The following SAMD12 variants were observed in gnomAD, a reference collection of about 807,000 sequenced individuals.
SAMD12 encodes sterile alpha motif domain-containing protein 12.
A neutral mutation model predicts 15.0 loss-of-function variants in SAMD12; 9 were observed. That is an observed-to-expected ratio of 0.60 (90% CI 0.36 to 1.05). The LOEUF (loss-of-function observed/expected upper bound fraction) is 1.05. Ranked by LOEUF, SAMD12 falls within the 50% of genes least tolerant of loss-of-function variation. The pLI, the probability that SAMD12 is intolerant of heterozygous loss-of-function variation, is 0.01. For synonymous variants in SAMD12, 86 were observed against 90.1 expected (o/e 0.96, Z 0.25); for missense variants, 230 against 234.2 (o/e 0.98, Z 0.12).
chr8:118,499,991 A>T (rs1824734269), intron 2 of SAMD12, among the ~76,000 whole-genome samples: 1 of 144,944 alleles, frequency 6.9e-6, no homozygotes, highest in Non-Finnish European at 1.5e-5. Flanking sequence ...ATCAGAGTAG[A>T]CAGTGATCTG....
intron 2 of SAMD12, among the ~76,000 whole-genome samples, chr8:118,546,771 A>C (rs1355047420): frequency 3.9e-5 from 6 of 152,134 alleles, no homozygotes. Flanking sequence ...CAGATCTGCA[A>C]TATGGGGTGG....
At chr8:118,546,742 G>A (rs1826137710) in intron 2 of SAMD12, among the ~76,000 whole-genome samples, 1 of 152,066 alleles carries the variant, frequency 6.6e-6, no homozygotes, top group Non-Finnish European at 1.5e-5. Context: ...ATTATTCAAG[G>A]TGATGATGTC....
intron 2 of SAMD12, among the ~76,000 whole-genome samples, chr8:118,456,521 T>G (rs1442198037): frequency 6.6e-6 from 1 of 152,228 alleles, no homozygotes; most frequent in Non-Finnish European, 1.5e-5. Context: ...TCCATAATGT[T>G]TCCTAATGAT....
intron 4 of SAMD12, among the ~76,000 whole-genome samples, chr8:118,312,451 C>T (rs548552871): frequency 1.2e-3 from 181 of 152,284 alleles, no homozygotes; most frequent in Non-Finnish European, 2.3e-3. Context: ...CATGTCCCAT[C>T]TCATGAATAT....
At chr8:118,193,829 A>T (rs1205509421) in exon 5 of SAMD12, 2 of 152,216 alleles carry the variant, frequency 1.3e-5, no homozygotes, top group Admixed American at 1.3e-4. Context: ...GGGTGAATGA[A>T]AACAGCCTTA....
intron 2 of SAMD12, among the ~76,000 whole-genome samples, chr8:118,451,751 C>G (rs942852475): frequency 1.3e-5 from 2 of 152,138 alleles, no homozygotes; most frequent in Non-Finnish European, 2.9e-5. Context: ...CTCTGGAATC[C>G]ATTACGGTAG....
At chr8:118,457,926 C>T (rs1220819178) in intron 2 of SAMD12, among the ~76,000 whole-genome samples, 1 of 152,222 alleles carries the variant, frequency 6.6e-6, no homozygotes, top group Non-Finnish European at 1.5e-5. Flanking sequence ...GACCGGCCTC[C>T]TCTAGGGAGG....
intron 4 of SAMD12, among the ~76,000 whole-genome samples, chr8:118,201,986 G>T (rs2129777366): frequency 6.6e-6 from 1 of 152,310 alleles, no homozygotes; most frequent in East Asian, 1.9e-4. Flanking sequence ...AGGAGCATGG[G>T]CTCTGGCAGA....
chr8:118,492,998 T>A (rs890971591), intron 2 of SAMD12, among the ~76,000 whole-genome samples: 1 of 152,142 alleles, frequency 6.6e-6, no homozygotes, highest in African/African-American at 2.4e-5. Flanking sequence ...GTATATCAAG[T>A]ATTAGCCTAC....
At chr8:118,602,173 A>G (rs1827879265) in intron 1 of SAMD12, among the ~76,000 whole-genome samples, 1 of 152,204 alleles carries the variant, frequency 6.6e-6, no homozygotes, top group Non-Finnish European at 1.5e-5. Flanking sequence ...AGTTCCATAC[A>G]CAGGAAACCT....
intron 2 of SAMD12, among the ~76,000 whole-genome samples, chr8:118,553,301 C>A (rs1033371022): frequency 6.6e-6 from 1 of 152,074 alleles, no homozygotes; most frequent in Non-Finnish European, 1.5e-5. Flanking sequence ...GCTACAGTAA[C>A]CAAAACAGCA....
intron 2 of SAMD12, among the ~76,000 whole-genome samples, chr8:118,469,512 A>T (rs1353046624): frequency 7.1e-3 from 1 of 140 alleles, no homozygotes; most frequent in African/African-American, 0.011. Context: ...TTTATATAAT[A>T]TATAATATAT....
At chr8:118,385,430 C>T (rs1019736212) in intron 3 of SAMD12, among the ~76,000 whole-genome samples, 2 of 152,162 alleles carry the variant, frequency 1.3e-5, no homozygotes, top group African/African-American at 2.4e-5. Flanking sequence ...GATGTTAGCT[C>T]TTCCTGGTTC....
At chr8:118,481,686 C>T (rs1824132647) in intron 2 of SAMD12, among the ~76,000 whole-genome samples, 1 of 151,930 alleles carries the variant, frequency 6.6e-6, no homozygotes, top group South Asian at 2.1e-4. Context: ...TGATCATAAT[C>T]CCATCCTTCA....
chr8:118,351,552 A>G (rs528304542), intron 4 of SAMD12, among the ~76,000 whole-genome samples: 5 of 152,218 alleles, frequency 3.3e-5, no homozygotes, highest in South Asian at 2.1e-4. Flanking sequence ...ACCATTCACT[A>G]GTGTATGTTA....
At chr8:118,548,384 T>TACACACACACACAC (rs36228827) in intron 2 of SAMD12, among the ~76,000 whole-genome samples, 15 of 139,798 alleles carry the variant, frequency 1.1e-4, no homozygotes, top group Non-Finnish European at 2.0e-4. Flanking sequence ...AAAACACACA[T>TACACACACACACAC]ACACACACAC....
exon 5 of SAMD12, chr8:118,192,967 G>A (rs1179869363): frequency 6.6e-6 from 1 of 152,110 alleles, no homozygotes; most frequent in Non-Finnish European, 1.5e-5. Flanking sequence ...GATATCTTTG[G>A]CATCCATTTT....
At chr8:118,269,585 CAA>C (rs1483514799) in intron 4 of SAMD12, among the ~76,000 whole-genome samples, 8 of 152,050 alleles carry the variant, frequency 5.3e-5, no homozygotes, top group Non-Finnish European at 1.5e-5. Context: ...TTTCAGGTTC[CAA>C]ATACCTGAGA....
At chr8:118,202,564 C>A (rs1006318862) in intron 4 of SAMD12, among the ~76,000 whole-genome samples, 1 of 152,154 alleles carries the variant, frequency 6.6e-6, no homozygotes, top group Non-Finnish European at 1.5e-5. Flanking sequence ...TGGATTATGT[C>A]CCGCCCCACC....
Sources: allele counts gnomAD v4.1 joint callset (sites outside exome capture counted in the v4.1 genomes callset), GRCh38; gene constraint gnomAD v4.1.1; transcripts MANE v1.5; gene names NCBI Gene and HGNC (gene_info 2026-07-23, HGNC 2026-07-21).